Variants in MGAT4C observed in about 807,000 individuals in gnomAD.
MGAT4C encodes alpha-1,3-mannosyl-glycoprotein 4-beta-N-acetylglucosaminyltransferase C.
A neutral mutation model predicts 40.1 loss-of-function variants in MGAT4C; 19 were observed. The ratio of observed to expected loss-of-function variants is 0.47; its 90% confidence interval spans 0.33 to 0.70. The LOEUF (loss-of-function observed/expected upper bound fraction) is 0.70, where lower values mean the gene tolerates loss of function less well. Among genes scored for constraint, MGAT4C ranks in the 30% least tolerant of loss-of-function variants. MGAT4C has a pLI of 0.02. For missense variants in MGAT4C, 491 were observed against 563.2 expected (o/e 0.87, Z 1.30); for synonymous variants, 181 against 187.1 (o/e 0.97, Z 0.27).
intron 4 of MGAT4C, among the ~76,000 whole-genome samples, chr12:86,314,564 C>T (rs538752896): frequency 2.0e-5 from 3 of 152,200 alleles, no homozygotes; most frequent in Non-Finnish European, 4.4e-5. Flanking sequence ...TATCAAAAGA[C>T]TTTTAGAAAT....
intron 1 of MGAT4C, among the ~76,000 whole-genome samples, chr12:86,813,590 C>T (rs1349253967): frequency 2.0e-5 from 3 of 151,830 alleles, no homozygotes; most frequent in Non-Finnish European, 2.9e-5. Flanking sequence ...GATAATATGA[C>T]AATATTTTTT....
chr12:86,524,707 G>A (rs1958850912), intron 2 of MGAT4C, among the ~76,000 whole-genome samples: 1 of 152,114 alleles, frequency 6.6e-6, no homozygotes, highest in Non-Finnish European at 1.5e-5. Flanking sequence ...GGACACCAAT[G>A]AGTCTTACAT....
chr12:86,573,039 T>C (rs1960431463), intron 2 of MGAT4C, among the ~76,000 whole-genome samples: 1 of 150,614 alleles, frequency 6.6e-6, no homozygotes, highest in African/African-American at 2.4e-5. Context: ...AACATGTCTG[T>C]TTTTTTTTCC....
chr12:86,762,208 C>T (rs1197541628), intron 1 of MGAT4C, among the ~76,000 whole-genome samples: 2 of 151,950 alleles, frequency 1.3e-5, no homozygotes, highest in African/African-American at 4.8e-5. Flanking sequence ...TAAGCCACCA[C>T]ACCTGCTAAT....
chr12:86,236,095 C>T (rs982662130), intron 1 of MGAT4C, among the ~76,000 whole-genome samples: 1 of 151,968 alleles, frequency 6.6e-6, no homozygotes, highest in African/African-American at 2.4e-5. Context: ...GCACAGATAT[C>T]CTACTGACAT....
chr12:86,084,913 T>G (rs1027510241), intron 1 of MGAT4C, among the ~76,000 whole-genome samples: 1 of 151,918 alleles, frequency 6.6e-6, no homozygotes, highest in Non-Finnish European at 1.5e-5. Flanking sequence ...CAGTGTAACC[T>G]GAGTAGAATA....
chr12:86,346,636 C>T (rs1288656432), intron 3 of MGAT4C, among the ~76,000 whole-genome samples: 1 of 152,172 alleles, frequency 6.6e-6, no homozygotes, highest in Non-Finnish European at 1.5e-5. Context: ...TCAATTCTCA[C>T]ATTGGAGGAT....
intron 1 of MGAT4C, among the ~76,000 whole-genome samples, chr12:86,084,935 C>T (rs746645336): frequency 6.6e-5 from 10 of 151,740 alleles, no homozygotes; most frequent in African/African-American, 1.9e-4. Flanking sequence ...GTCACAGTAA[C>T]GAAAATAGTA....
intron 3 of MGAT4C, among the ~76,000 whole-genome samples, chr12:86,412,007 G>A (rs1360655951): frequency 6.6e-6 from 1 of 152,178 alleles, no homozygotes; most frequent in African/African-American, 2.4e-5. Flanking sequence ...CTTCCACATG[G>A]TGTTAAGCCT....
intron 1 of MGAT4C, among the ~76,000 whole-genome samples, chr12:86,094,565 G>A (rs1229698003): frequency 2.0e-5 from 3 of 152,074 alleles, no homozygotes. Flanking sequence ...TAATGTACTG[G>A]CAGATATCCT....
chr12:86,235,143 C>A (rs1055632877), intron 1 of MGAT4C, among the ~76,000 whole-genome samples: 4 of 152,004 alleles, frequency 2.6e-5, no homozygotes, highest in Non-Finnish European at 4.4e-5. Context: ...GCTCCCAGGG[C>A]AGCTTTTTCC....
chr12:85,969,230 C>T lies in MGAT4C; in HGVS notation c.*10059G>A, dbSNP rs544434797. On this transcript the variant is annotated 3_prime_UTR_variant, in exon 5 of 5. Coordinates refer to ENST00000611864, the MANE Select transcript of MGAT4C (RefSeq NM_001351288.2). ...AATGGAAGTACCGATTAGGAGAGTA[C>T]CAAATACATATTAAACACTCAGTTC... is the stretch of plus-strand genomic sequence containing the variant. 6.6e-6 allele frequency: 1 copy of T among 151,572 alleles called. No individual in the cohort carries two copies. Among genetic ancestry groups the T allele is most frequent in the African/African-American group, 2.4e-5 (1 of 41,354 alleles). 9.4% of individuals were successfully genotyped at this position (151,572 alleles called of 1,614,324 possible). A position where few individuals can be genotyped will look rare whatever the true frequency, so the allele number is the denominator to read the frequency against.
intron 2 of MGAT4C, among the ~76,000 whole-genome samples, chr12:86,609,510 G>C (rs1379536785): frequency 1.3e-5 from 2 of 151,946 alleles, no homozygotes; most frequent in African/African-American, 4.8e-5. Flanking sequence ...GATCAGATAG[G>C]GTTAAGAAAC....
chr12:86,551,246 C>A (rs2136396554), intron 2 of MGAT4C, among the ~76,000 whole-genome samples: 1 of 152,322 alleles, frequency 6.6e-6, no homozygotes, highest in Admixed American at 6.5e-5. Context: ...CTGAGGCTGG[C>A]CAAACAGACT....
At chr12:86,184,922 G>A (rs1018240966) in intron 1 of MGAT4C, among the ~76,000 whole-genome samples, 5 of 152,160 alleles carry the variant, frequency 3.3e-5, no homozygotes, top group South Asian at 2.1e-4. Context: ...GTCAGCCTAC[G>A]TCAACATAAC....
intron 1 of MGAT4C, among the ~76,000 whole-genome samples, chr12:86,063,331 T>C (rs957624963): frequency 6.6e-6 from 1 of 152,016 alleles, no homozygotes; most frequent in African/African-American, 2.4e-5. Context: ...TGCTGAGAGA[T>C]TTTGTCACCA....
chr12:85,998,827 C>A (rs1478306271), intron 2 of MGAT4C, among the ~76,000 whole-genome samples: 1 of 152,118 alleles, frequency 6.6e-6, no homozygotes, highest in Non-Finnish European at 1.5e-5. Flanking sequence ...CTTCTGAGCC[C>A]CCCAAACTGT....
intron 1 of MGAT4C, among the ~76,000 whole-genome samples, chr12:86,223,218 C>A (rs950457664): frequency 5.3e-5 from 8 of 152,184 alleles, no homozygotes; most frequent in African/African-American, 1.4e-4. Flanking sequence ...TGTTGAGGAA[C>A]CAAGACATGA....
Position 86,120,378 on chromosome 12 carries a change from TTTGAA to T in MGAT4C, c.-56-70660_-56-70656del. ...GACTTAAACTTCCCAGTCTGACAGC[TTTGAA>T]GAGAGTAGTGGTTCTCCCAGCACGC... On this transcript the variant is annotated intron_variant, in intron 1 of 4. Transcript: ENST00000611864. Among the ~76,000 whole-genome samples the T allele has an allele frequency of 2.6e-5, 4 of 152,166 alleles. No individual in the cohort carries two copies. In the Middle Eastern group the frequency reaches 0.014, roughly 518 times the overall value.
Sources: allele counts gnomAD v4.1 joint callset (sites outside exome capture counted in the v4.1 genomes callset), GRCh38; gene constraint gnomAD v4.1.1; transcripts MANE v1.5; gene names NCBI Gene and HGNC (gene_info 2026-07-23, HGNC 2026-07-21).